The following ADAMTS13 variants were observed in gnomAD, a reference collection of about 807,000 sequenced individuals.
ADAMTS13 encodes the protein A disintegrin and metalloproteinase with thrombospondin motifs 13.
ADAMTS13 carries 110 observed loss-of-function variants against 155.1 expected under a neutral mutation model. The ratio of observed to expected loss-of-function variants is 0.71; its 90% CI spans 0.61 to 0.83. ADAMTS13 has a LOEUF of 0.83. ADAMTS13 is among the 40% of genes least tolerant of loss of function. ADAMTS13 has a pLI of 0.00. For missense variants in ADAMTS13, 1,707 were observed against 1,891.7 expected, an observed-to-expected ratio of 0.90 and a Z score of 1.81; for synonymous variants, 758 against 756.4, an observed-to-expected ratio of 1.00 and a Z score of -0.03.
intron 21 of ADAMTS13, among the ~76,000 whole-genome samples, chr9:133,448,191 T>C (rs1006323518): frequency 5.9e-5 from 9 of 151,918 alleles, no homozygotes; most frequent in African/African-American, 1.9e-4. Context: ...GGTTTCACCA[T>C]GTTGGTCAGG....
intron 15 of ADAMTS13, among the ~76,000 whole-genome samples, chr9:133,439,893 C>T (rs1554790187): frequency 6.6e-6 from 1 of 152,234 alleles, no homozygotes; most frequent in Non-Finnish European, 1.5e-5. Flanking sequence ...AGCCCCTATC[C>T]TAAATCACAT....
In ADAMTS13 at chr9:133,443,557, G is replaced by T. The variant is rs1333321716; in HGVS notation, c.2416G>T (p.Ala806Ser). The change falls in exon 19 of 29, where the codon GCC (alanine) becomes TCC (serine). Residue 806 changes from alanine (A) to serine (S), a missense_variant. Transcript: ENST00000355699. Reference sequence around the variant, plus strand: ...AACCTGCAACCCCCAGCCCTGCCCTGCCAGGTGAGCCCAGGGCTAGGTGGG... The same window carrying T: ...AACCTGCAACCCCCAGCCCTGCCCTTCCAGGTGAGCCCAGGGCTAGGTGGG... ...LETCNPQPCP[A>S]RWEVSEPSSC... 5 of 1,547,474 alleles carry T rather than the reference G, an allele frequency of 3.2e-6. No homozygotes were observed. In the Admixed American group the frequency reaches 5.7e-5, roughly 18 times the overall value.
upstream of ADAMTS13, chr9:133,418,069 A>G: frequency 3.6e-6 from 2 of 550,066 alleles, no homozygotes; most frequent in Non-Finnish European, 6.4e-6. Context: ...CCGGCTGGAA[A>G]CCGGATCCCT....
chr9:133,415,074 A>C (rs1227913672), intron 1 of ADAMTS13: 2 of 1,382,334 alleles, frequency 1.4e-6, no homozygotes, highest in African/African-American at 2.9e-5. Flanking sequence ...GCAGATTGAA[A>C]AAACTTACGT....
At position 133,449,857 on chromosome 9, in the gene ADAMTS13, G is replaced by A. The variant is rs142779872; in HGVS notation, c.2936G>A (p.Arg979Gln). ...GTGCGGAGGATCCTGTATTGTGCCC[G>A]GGCCCATGGGGAGGACGATGGTGAG... ...GVVRRILYCA[R>Q]AHGEDDGEEI... is the part of the protein sequence containing the mutation. Residue 979 changes from arginine (R) to glutamine (Q), a missense_variant, in exon 23 of 29, where the codon CGG becomes CAG. Arg to Gln is a conservative substitution (Grantham distance 43). Around this residue, in one of 3 missense-constraint regions of ADAMTS13, gnomAD observed 961 missense variants for 1,107.9 expected, o/e 0.87. Coordinates refer to ENST00000355699, the MANE Select transcript of ADAMTS13 (RefSeq NM_139027.6). 7.9e-5 allele frequency: 128 copies of A among 1,614,082 alleles called. No homozygotes were observed. The African/African-American group carries it at 1.3e-3, about 16-fold the overall frequency.
chr9:133,457,228 G>C (rs1554796363), intron 27 of ADAMTS13, among the ~76,000 whole-genome samples: 2 of 152,152 alleles, frequency 1.3e-5, no homozygotes, highest in African/African-American at 4.8e-5. Context: ...GTCCTGGGGG[G>C]CTTGCCCTCT....
At chr9:133,421,249 C>T (rs1251822652), upstream of ADAMTS13, among the ~76,000 whole-genome samples, 1 of 152,096 alleles carries the variant, frequency 6.6e-6, no homozygotes, top group South Asian at 2.1e-4. Context: ...CTGGGTGACA[C>T]AGCAAGACTC....
intron 15 of ADAMTS13, among the ~76,000 whole-genome samples, chr9:133,439,706 A>C (rs1554790140): frequency 6.6e-6 from 1 of 152,250 alleles, no homozygotes. Flanking sequence ...TCCAACCAGG[A>C]GGCCTGATGT....
chr9:133,442,305 G>T, intron 16 of ADAMTS13, 94 bp from the exon 17 acceptor site: 1 of 1,584,076 alleles, frequency 6.3e-7, no homozygotes, highest in Non-Finnish European at 8.7e-7. Flanking sequence ...TTATAGGGAT[G>T]CAAGAAGAAG....
Position 133,452,384 on chromosome 9 carries a change from T to G in ADAMTS13, c.3045-2031T>G, listed in dbSNP as rs587593810. 6.8e-4 allele frequency among the ~76,000 whole-genome samples: 103 copies of G among 152,292 alleles called. 1 individual carries two copies. In the South Asian group the frequency reaches 6.8e-3, roughly 10 times the overall value. Reference sequence around the variant, plus strand: ...GGTTCTGTTTTTTGTGCTTTTTTTTTCTAGCTATTCTCTTGCCCATACAAA... The same window carrying G: ...GGTTCTGTTTTTTGTGCTTTTTTTTGCTAGCTATTCTCTTGCCCATACAAA... On this transcript the variant is annotated intron_variant, in intron 23 of 28. Coordinates refer to ENST00000355699, the MANE Select transcript of ADAMTS13 (RefSeq NM_139027.6).
At chr9:133,453,104 C>G (rs897736894) in intron 23 of ADAMTS13, among the ~76,000 whole-genome samples, 1 of 151,840 alleles carries the variant, frequency 6.6e-6, no homozygotes, top group Non-Finnish European at 1.5e-5. Flanking sequence ...GAGTTCTAGA[C>G]CAGCCTGGGC....
At chr9:133,418,996 ACT>A (rs1457829469), upstream of ADAMTS13, among the ~76,000 whole-genome samples, 3 of 151,920 alleles carry the variant, frequency 2.0e-5, no homozygotes, top group Admixed American at 1.3e-4. Context: ...GCACGCCACC[ACT>A]CTCTGCCAAT....
At chr9:133,447,913 AAGAG>A (rs1189830679) in intron 21 of ADAMTS13, among the ~76,000 whole-genome samples, 1 of 151,990 alleles carries the variant, frequency 6.6e-6, no homozygotes, top group Admixed American at 6.6e-5. Context: ...ATATTCCTAA[AAGAG>A]AGACTTGAGA....
At chr9:133,419,992 C>T (rs1839888204), upstream of ADAMTS13, among the ~76,000 whole-genome samples, 2 of 152,112 alleles carry the variant, frequency 1.3e-5, no homozygotes, top group Admixed American at 1.3e-4. Context: ...GCAACCTCCA[C>T]CTCCCGGGTT....
At chr9:133,458,141 C>G in intron 28 of ADAMTS13, 47 bp downstream of exon 28, 3 of 1,601,766 alleles carry the variant, frequency 1.9e-6, no homozygotes, top group Non-Finnish European at 2.6e-6. Flanking sequence ...GACAGCTTTC[C>G]CTAGGGCGTG....
chr9:133,443,860 T>G (rs1841876004), intron 19 of ADAMTS13, among the ~76,000 whole-genome samples: 1 of 151,840 alleles, frequency 6.6e-6, no homozygotes. Context: ...CTGAACGGAG[T>G]GGGAGATGTC....
At chr9:133,422,801 C>T (rs972646814) in intron 1 of ADAMTS13, among the ~76,000 whole-genome samples, 2 of 151,976 alleles carry the variant, frequency 1.3e-5, no homozygotes, top group African/African-American at 4.8e-5. Flanking sequence ...GTGTAGGTTG[C>T]TCTTCTCTGC....
chr9:133,428,572 GCCCCCACCCCC>G, intron 6 of ADAMTS13, 51 bp from the exon 7 acceptor site: 1 of 42,916 alleles, frequency 2.3e-5, no homozygotes, highest in Non-Finnish European at 4.4e-5. Context: ...CCCCCGTCCC[GCCCCCACCCCC>G]GCCCCCGCCC....
upstream of ADAMTS13, chr9:133,417,886 C>G (rs1406895980): frequency 1.9e-6 from 3 of 1,567,394 alleles, no homozygotes; most frequent in Non-Finnish European, 8.6e-7. Context: ...CACCCGAGAC[C>G]CCGGCCTCCC....
Sources: allele counts gnomAD v4.1 joint callset (sites outside exome capture counted in the v4.1 genomes callset), GRCh38; gene constraint gnomAD v4.1.1; regional missense constraint gnomAD v4.1.1; transcripts MANE v1.5; gene names NCBI Gene and HGNC (gene_info 2026-07-23, HGNC 2026-07-21).